PTK2: variants seen among roughly 807,000 people sequenced by gnomAD.
PTK2 encodes focal adhesion kinase 1.
In PTK2, 45 loss-of-function variants were observed where a neutral mutation model predicts 150.1. The ratio of observed to expected loss-of-function variants is 0.30; its 90% confidence interval spans 0.24 to 0.38. The LOEUF is 0.38. Among genes scored for constraint, PTK2 ranks in the 10% least tolerant of loss-of-function variants. The pLI is 1.00. For synonymous variants in PTK2, 432 were observed against 449.2 expected (o/e 0.96, Z 0.48); for missense variants, 919 against 1,307.3 (o/e 0.70, Z 4.58).
intron 8 of PTK2, among the ~76,000 whole-genome samples, chr8:140,823,046 A>G (rs1291250424): frequency 2.0e-5 from 3 of 152,228 alleles, no homozygotes; most frequent in African/African-American, 7.2e-5. Flanking sequence ...TTAATAGAAA[A>G]TAAGTCCAGC....
intron 23 of PTK2, among the ~76,000 whole-genome samples, chr8:140,714,668 G>A (rs1449491831): frequency 6.6e-6 from 1 of 151,276 alleles, no homozygotes; most frequent in Non-Finnish European, 1.5e-5. Context: ...ATGGTGGCAG[G>A]TGCCTGTAAT....
chr8:140,764,871 T>C (rs557678855), intron 14 of PTK2: 1 of 152,428 alleles, frequency 6.6e-6, no homozygotes, highest in South Asian at 2.1e-4. Flanking sequence ...TAGGCATTAA[T>C]GTCAAAAGGG....
rs200439158 is a variant in PTK2, at chr8:140,719,175, C to CA, written c.2031-1467dup. Among the ~76,000 whole-genome samples, 237 of 150,536 alleles carry CA rather than the reference C, an allele frequency of 1.6e-3. 1 individual carries two copies. The highest frequency in any genetic ancestry group is 3.6e-3 in the African/African-American group (148 of 40,990). On this transcript the variant is annotated intron_variant, in intron 22 of 31. Transcript: ENST00000522684. ...TGGGCAACAGAATGAGACTCCACCTCAAAAAAAAACCCCCAAAATCACATA... is the reference window on the plus strand; with the variant it reads ...TGGGCAACAGAATGAGACTCCACCTCAAAAAAAAAACCCCCAAAATCACATA...
chr8:140,707,633 G>A (rs1323254447), intron 23 of PTK2, among the ~76,000 whole-genome samples: 1 of 152,142 alleles, frequency 6.6e-6, no homozygotes, highest in South Asian at 2.1e-4. Context: ...TTGAACTCCT[G>A]GTCTTAAGTG....
chr8:140,945,468 C>A (rs2100177368), intron 1 of PTK2, among the ~76,000 whole-genome samples: 5 of 152,110 alleles, frequency 3.3e-5, no homozygotes, highest in South Asian at 2.1e-4. Context: ...CACCTGTGGT[C>A]TCAGCTACTT....
intron 10 of PTK2, among the ~76,000 whole-genome samples, chr8:140,815,766 T>C (rs891472481): frequency 7.9e-5 from 12 of 152,080 alleles, no homozygotes; most frequent in Admixed American, 7.9e-4. Flanking sequence ...TAACTATTAA[T>C]ATAATCTACT....
At chr8:140,909,271 T>C (rs891967166) in intron 2 of PTK2, 4 of 154,450 alleles carry the variant, frequency 2.6e-5, no homozygotes, top group Admixed American at 6.5e-5. Context: ...TCAACTCTTA[T>C]GGCTTTGAAG....
chr8:140,678,438 C>A (rs2100015089), intron 27 of PTK2, among the ~76,000 whole-genome samples: 1 of 152,146 alleles, frequency 6.6e-6, no homozygotes, highest in Non-Finnish European at 1.5e-5. Context: ...ACTCGACTTC[C>A]TGGGCTCAAG....
At chr8:140,677,388 G>A (rs970907072) in intron 27 of PTK2, among the ~76,000 whole-genome samples, 1 of 152,142 alleles carries the variant, frequency 6.6e-6, no homozygotes, top group Non-Finnish European at 1.5e-5. Context: ...TCTGTCCCAG[G>A]TACAGGATAA....
At chr8:140,709,030 C>T (rs1247794931) in intron 23 of PTK2, among the ~76,000 whole-genome samples, 1 of 151,042 alleles carries the variant, frequency 6.6e-6, no homozygotes, top group Non-Finnish European at 1.5e-5. Flanking sequence ...ACCTACTTTA[C>T]ATACAATTTG....
chr8:140,796,883 C>A (rs1022411266), intron 12 of PTK2, among the ~76,000 whole-genome samples: 3 of 152,216 alleles, frequency 2.0e-5, no homozygotes, highest in African/African-American at 7.2e-5. Flanking sequence ...CACACACACA[C>A]ACACATTTAC....
intron 1 of PTK2, among the ~76,000 whole-genome samples, chr8:140,934,785 CTGT>C (rs1204089982): frequency 2.0e-5 from 3 of 152,226 alleles, no homozygotes; most frequent in East Asian, 3.8e-4. Flanking sequence ...TTCTGACCAT[CTGT>C]TGTTATAGAC....
At chr8:140,965,345 G>A (rs2100184862) in intron 1 of PTK2, among the ~76,000 whole-genome samples, 1 of 152,120 alleles carries the variant, frequency 6.6e-6, no homozygotes, top group South Asian at 2.1e-4. Flanking sequence ...TGATGTACAT[G>A]TGGTAGGGGC....
chr8:140,716,420 A>AT (rs900487000), intron 23 of PTK2, among the ~76,000 whole-genome samples: 1 of 152,188 alleles, frequency 6.6e-6, no homozygotes, highest in African/African-American at 2.4e-5. Flanking sequence ...AATGACAGAG[A>AT]AACGACAGGT....
chr8:140,865,207 C>CCT (rs1459438867), intron 4 of PTK2, among the ~76,000 whole-genome samples: 4 of 152,258 alleles, frequency 2.6e-5, no homozygotes, highest in African/African-American at 9.6e-5. Context: ...TTTTGACTAT[C>CCT]CTCTTTTGTG....
chr8:140,814,996 C>T (rs181162694), intron 10 of PTK2, among the ~76,000 whole-genome samples: 46 of 152,124 alleles, frequency 3.0e-4, no homozygotes, highest in African/African-American at 1.0e-3. Flanking sequence ...GGATGGTCTC[C>T]ATCTCCTGAC....
intron 10 of PTK2, among the ~76,000 whole-genome samples, chr8:140,816,161 A>G (rs1185324929): frequency 6.6e-6 from 1 of 152,200 alleles, no homozygotes; most frequent in Non-Finnish European, 1.5e-5. Flanking sequence ...AACAATAATC[A>G]AGAATATCTT....
chr8:140,701,150 T>A, intron 25 of PTK2, 128 bp from the exon 29 acceptor site: 1 of 1,095,768 alleles, frequency 9.1e-7, no homozygotes, highest in Non-Finnish European at 1.2e-6. Flanking sequence ...TCTCTCATAC[T>A]GTGCTTGTGG....
At chr8:140,673,532 G>A (rs969084574) in intron 29 of PTK2, among the ~76,000 whole-genome samples, 14 of 152,158 alleles carry the variant, frequency 9.2e-5, no homozygotes, top group African/African-American at 1.4e-4. Context: ...GAGAAATAGC[G>A]TCTATTTTGA....
Sources: allele counts gnomAD v4.1 joint callset (sites outside exome capture counted in the v4.1 genomes callset), GRCh38; gene constraint gnomAD v4.1.1; transcripts MANE v1.5; gene names NCBI Gene and HGNC (gene_info 2026-07-23, HGNC 2026-07-21).